The following HTR4 variants were observed in gnomAD, a reference collection of about 807,000 sequenced individuals.
HTR4 encodes 5-hydroxytryptamine receptor 4, also known as 5-hydroxytryptamine (serotonin) receptor 4, G protein-coupled.
HTR4 carries 16 observed loss-of-function variants against 36.8 expected under a neutral mutation model. That is an observed-to-expected ratio of 0.43 (90% confidence interval 0.29 to 0.66). HTR4 has a LOEUF of 0.66. Among genes scored for constraint, HTR4 ranks in the 30% least tolerant of loss-of-function variants. HTR4 has a pLI of 0.13. For synonymous variants in HTR4, 189 were observed against 185.1 expected, an observed-to-expected ratio of 1.02 and a Z score of -0.17; for missense variants, 438 against 490.9, an observed-to-expected ratio of 0.89 and a Z score of 1.02.
intron 6 of HTR4, among the ~76,000 whole-genome samples, chr5:148,504,535 A>G (rs956114217): frequency 3.3e-5 from 5 of 152,224 alleles, no homozygotes; most frequent in Non-Finnish European, 7.3e-5. Flanking sequence ...CCCACAAGAG[A>G]AAGCAGGAAA....
intron 6 of HTR4, among the ~76,000 whole-genome samples, chr5:148,497,874 T>C (rs1756757349): frequency 6.6e-6 from 1 of 152,234 alleles, no homozygotes; most frequent in Non-Finnish European, 1.5e-5. Context: ...AAATAATTCA[T>C]GTTTAGAAGC....
intron 1 of HTR4, among the ~76,000 whole-genome samples, chr5:148,651,984 C>G (rs574719080): frequency 1.3e-5 from 2 of 152,112 alleles, no homozygotes; most frequent in South Asian, 2.1e-4. Context: ...GGTGAAGAAA[C>G]TAAGACTTAG....
intron 2 of HTR4, among the ~76,000 whole-genome samples, chr5:148,596,669 C>A (rs1004996650): frequency 8.6e-5 from 13 of 151,330 alleles, no homozygotes; most frequent in African/African-American, 3.2e-4. Context: ...GCCAAATGTC[C>A]CCTGGTGGTG....
At position 148,644,677 on chromosome 5, in the gene HTR4, C is replaced by A. The variant is rs774341598; in HGVS notation, c.-47-7616G>T. On this transcript the variant is annotated intron_variant, in intron 1 of 6. Coordinates refer to ENST00000377888, the MANE Select transcript of HTR4 (RefSeq NM_000870.7). ...GGTGTAAAACATATGCCTCAGAATT[C>A]TTCCAGACAAGGGGATAGGAAGGTG... is the stretch of plus-strand genomic sequence containing the variant. The A allele has an allele frequency of 1.2e-4, 18 of 152,078 alleles. 1 individual carries two copies. Among genetic ancestry groups the A allele is most frequent in the African/African-American group, 2.9e-4 (12 of 41,420 alleles). 9.4% of individuals were successfully genotyped at this position (152,078 alleles called of 1,614,324 possible). A position where few individuals can be genotyped will look rare whatever the true frequency, so the allele number is the denominator to read the frequency against.
Position 148,481,723 on chromosome 5 carries a change from C to A in HTR4, c.*1480G>T. The A allele has an allele frequency of 7.0e-7, 1 of 1,438,334 alleles. No homozygotes were observed. Among genetic ancestry groups the A allele is most frequent in the Non-Finnish European group, 9.0e-7 (1 of 1,106,694 alleles). The allele number at this position is 1,438,334 out of a possible 1,614,324, so 89.1% of individuals were successfully genotyped here. ...AAATAATCCTGAGATGCTATTAAACCACAGCCAAGATCAAAGTCAGAATCT... is the reference window on the plus strand; with the variant it reads ...AAATAATCCTGAGATGCTATTAAACAACAGCCAAGATCAAAGTCAGAATCT... On this transcript the variant is annotated 3_prime_UTR_variant, in exon 7 of 7. Coordinates refer to ENST00000377888, the MANE Select transcript of HTR4 (RefSeq NM_000870.7).
intron 2 of HTR4, among the ~76,000 whole-genome samples, chr5:148,584,775 A>T (rs1761286894): frequency 6.6e-6 from 1 of 152,196 alleles, no homozygotes; most frequent in African/African-American, 2.4e-5. Flanking sequence ...TTTGGGGAAG[A>T]CTTGTTTTTC....
At chr5:148,456,839 G>A (rs1376262459) in intron 5 of HTR4, among the ~76,000 whole-genome samples, 1 of 152,180 alleles carries the variant, frequency 6.6e-6, no homozygotes, top group Admixed American at 6.5e-5. Context: ...ATGAGATAAT[G>A]CACATATAAT....
intron 1 of HTR4, 144 bp downstream of exon 1, chr5:148,653,918 A>G: frequency 2.7e-6 from 1 of 363,872 alleles, no homozygotes; most frequent in Middle Eastern, 1.3e-3. Context: ...GCCGCCCCGA[A>G]GCCCACCCTG....
At chr5:148,527,365 T>G (rs1355566610) in intron 4 of HTR4, among the ~76,000 whole-genome samples, 3 of 152,184 alleles carry the variant, frequency 2.0e-5, no homozygotes, top group African/African-American at 7.2e-5. Flanking sequence ...GCTCATAACA[T>G]TTTTATGAAA....
chr5:148,609,528 C>T (rs1752319244), intron 2 of HTR4, among the ~76,000 whole-genome samples: 1 of 151,348 alleles, frequency 6.6e-6, no homozygotes, highest in Admixed American at 6.6e-5. Context: ...TGAGAAAGGG[C>T]ATATTAGGCC....
intron 1 of HTR4, among the ~76,000 whole-genome samples, chr5:148,640,397 T>C (rs1027848694): frequency 5.3e-5 from 8 of 152,184 alleles, no homozygotes. Flanking sequence ...CTTAGCTTAC[T>C]GGCTGGACCA....
intron 2 of HTR4, among the ~76,000 whole-genome samples, chr5:148,565,482 T>C (rs961756060): frequency 6.6e-6 from 1 of 152,004 alleles, no homozygotes; most frequent in African/African-American, 2.4e-5. Context: ...CTGAAACTCA[T>C]AGGAGTGGAG....
At chr5:148,532,166 G>C (rs1758600285) in intron 4 of HTR4, among the ~76,000 whole-genome samples, 1 of 152,102 alleles carries the variant, frequency 6.6e-6, no homozygotes, top group Non-Finnish European at 1.5e-5. Flanking sequence ...CTATGTTCTG[G>C]TGCATCCTAT....
intron 2 of HTR4, among the ~76,000 whole-genome samples, chr5:148,585,023 C>A (rs564894875): frequency 6.6e-6 from 1 of 152,208 alleles, no homozygotes; most frequent in African/African-American, 2.4e-5. Context: ...GGTATAGAAC[C>A]TAAAAGCACT....
In HTR4 at chr5:148,483,272, G is replaced by T. The variant is rs376816281; in HGVS notation, c.1098C>A (p.Gly366=). 6.2e-7 allele frequency: 1 copy of T among 1,613,638 alleles called. No individual in the cohort carries two copies. The highest frequency in any genetic ancestry group is 8.5e-7 in the Non-Finnish European group (1 of 1,179,784). The change falls in exon 7 of 7, where the codon GGC becomes GGA. Residue 366 remains glycine (G), a synonymous_variant. Coordinates refer to ENST00000377888, the MANE Select transcript of HTR4 (RefSeq NM_000870.7). ...GCGGGTGACACTGACTCTCCCACTG[G>T]CCACCACACTCCACTGCATCCCTAG... ...HVLRDAVECG[G]QWESQCHPPA...
At chr5:148,531,804 C>A (rs1041207545) in intron 4 of HTR4, among the ~76,000 whole-genome samples, 1 of 152,112 alleles carries the variant, frequency 6.6e-6, no homozygotes, top group Non-Finnish European at 1.5e-5. Flanking sequence ...CTGAAGAGAG[C>A]TTTTACATCC....
At chr5:148,455,691 G>T (rs528795055) in intron 5 of HTR4, among the ~76,000 whole-genome samples, 1 of 152,226 alleles carries the variant, frequency 6.6e-6, no homozygotes, top group Admixed American at 6.5e-5. Flanking sequence ...TGAAAAATCT[G>T]CATATAAGTT....
At chr5:148,500,206 C>G (rs1443805677) in intron 6 of HTR4, among the ~76,000 whole-genome samples, 1 of 152,122 alleles carries the variant, frequency 6.6e-6, no homozygotes, top group Non-Finnish European at 1.5e-5. Context: ...TGGATCTTCT[C>G]TCTGGATCTC....
chr5:148,617,562 A>G (rs1752751329), intron 2 of HTR4, among the ~76,000 whole-genome samples: 1 of 151,666 alleles, frequency 6.6e-6, no homozygotes, highest in African/African-American at 2.4e-5. Context: ...CCCACCTCCC[A>G]GGTTCAAGTG....
Sources: allele counts gnomAD v4.1 joint callset (sites outside exome capture counted in the v4.1 genomes callset), GRCh38; gene constraint gnomAD v4.1.1; transcripts MANE v1.5; gene names NCBI Gene and HGNC (gene_info 2026-07-23, HGNC 2026-07-21).